The following CAPNS1 variants were observed in gnomAD, a reference collection of about 807,000 sequenced individuals.
CAPNS1 encodes calpain small subunit 1, also known as CANP small subunit.
Under a neutral mutation model 39.2 loss-of-function variants are expected in CAPNS1, and 32 were observed. The ratio of observed to expected loss-of-function variants is 0.82; its 90% CI spans 0.62 to 1.10. The LOEUF is 1.10. CAPNS1 is among the 50% of genes least tolerant of loss of function. The pLI, the probability that CAPNS1 is intolerant of heterozygous loss-of-function variation, is 0.00. For missense variants in CAPNS1, 353 were observed against 373.1 expected (o/e 0.95, Z 0.44); for synonymous variants, 153 against 136.2 (o/e 1.12, Z -0.86).
At chr19:36,142,868 C>T in intron 4 of CAPNS1, 41 bp from the exon 5 acceptor site, 1 of 1,611,704 alleles carries the variant, frequency 6.2e-7, no homozygotes, top group Non-Finnish European at 8.5e-7. Context: ...TCTCAGACCC[C>T]TTTCAGTCAC....
intron 9 of CAPNS1, among the ~76,000 whole-genome samples, chr19:36,148,819 A>T (rs1974670334): frequency 6.6e-6 from 1 of 152,104 alleles, no homozygotes. Context: ...TCTCAAAAAA[A>T]AAAAGAAAGA....
chr19:36,145,981 A>G lies in CAPNS1; in HGVS notation c.531A>G (p.Ile177Met). ...CAATGTCTCTGTCCTCACAGGCCAT[A>G]TACAAACAGTTCGACACTGACCGAT... ...LWNNIKRWQAIYKQFDTDRSG... is the reference protein window; with the variant it reads ...LWNNIKRWQAMYKQFDTDRSG... The change falls in exon 8 of 11, where the codon ATA (isoleucine) becomes ATG (methionine). Residue 177 changes from isoleucine to methionine, a missense_variant. Ile to Met is a conservative substitution (Grantham distance 10). Coordinates refer to ENST00000246533, the MANE Select transcript of CAPNS1 (RefSeq NM_001749.4). 1.2e-6 allele frequency: 2 copies of G among 1,614,238 alleles called. No individual in the cohort carries two copies. Among genetic ancestry groups the G allele is most frequent in the Non-Finnish European group, 1.7e-6 (2 of 1,180,028 alleles).
Position 36,142,285 on chromosome 19 carries a change from C to T in CAPNS1, c.210-15C>T. 1 of 1,590,120 alleles carries T rather than the reference C, an allele frequency of 6.3e-7. No homozygotes were observed. The highest frequency in any genetic ancestry group is 8.6e-7 in the Non-Finnish European group (1 of 1,158,804). ...CCGCCCCTGGCACTAACCCCTCCCCCTTATCTCTTCGCAGCGAGGCGGCTG... is the reference window on the plus strand; with the variant it reads ...CCGCCCCTGGCACTAACCCCTCCCCTTTATCTCTTCGCAGCGAGGCGGCTG... On this transcript the variant is annotated splice_polypyrimidine_tract_variant and intron_variant, in intron 2 of 10. Transcript: ENST00000246533.
chr19:36,140,809 C>T (rs1974328811), intron 1 of CAPNS1, 188 bp from the exon 2 acceptor site: 5 of 728,628 alleles, frequency 6.9e-6, no homozygotes, highest in Admixed American at 3.3e-5. Flanking sequence ...CCTTTTAGAC[C>T]TGAGGAGGTT....
Position 36,140,916 on chromosome 19 carries a change from C to G in CAPNS1, c.-15-81C>G, listed in dbSNP as rs1160489287. 4 of 1,568,712 alleles carry G rather than the reference C, an allele frequency of 2.5e-6. No homozygotes were observed. In the East Asian group the frequency reaches 7.6e-5, roughly 30 times the overall value. ...CGGAGGCTTCAGATTCCTCCCAGGT[C>G]CAGCTGCCGGAAATGCGTGTTTGAA... On this transcript the variant is annotated intron_variant, in intron 1 of 10. Coordinates refer to ENST00000246533, the MANE Select transcript of CAPNS1 (RefSeq NM_001749.4).
intron 9 of CAPNS1, among the ~76,000 whole-genome samples, chr19:36,148,601 A>C (rs1193861992): frequency 6.6e-6 from 1 of 151,576 alleles, no homozygotes; most frequent in Non-Finnish European, 1.5e-5. Flanking sequence ...ACCTGATGTC[A>C]GGAGTTTGAG....
At chr19:36,141,468 A>G (rs1568390512) in intron 2 of CAPNS1, 2 of 1,280,530 alleles carry the variant, frequency 1.6e-6, no homozygotes, top group East Asian at 6.6e-5. Flanking sequence ...GGACCAGGAC[A>G]ATGTGGTCCT....
chr19:36,144,852 G>T (rs1454046534), intron 6 of CAPNS1, among the ~76,000 whole-genome samples: 3 of 152,226 alleles, frequency 2.0e-5, no homozygotes, highest in Non-Finnish European at 4.4e-5. Flanking sequence ...AGTGATAATG[G>T]TGATACCGAA....
At chr19:36,149,551 G>C in intron 9 of CAPNS1, 27 bp from the exon 10 acceptor site, 1 of 1,443,960 alleles carries the variant, frequency 6.9e-7, no homozygotes, top group Non-Finnish European at 9.1e-7. Flanking sequence ...CTTCCCTGCC[G>C]CCAAACCTCT....
intron 10 of CAPNS1, 47 bp downstream of exon 10, chr19:36,149,683 C>T: frequency 1.9e-6 from 3 of 1,594,122 alleles, no homozygotes; most frequent in Non-Finnish European, 2.6e-6. Flanking sequence ...GGACCCCACC[C>T]CTCAGCCCTT....
intron 9 of CAPNS1, among the ~76,000 whole-genome samples, chr19:36,146,690 G>T (rs1275675277): frequency 6.6e-6 from 1 of 152,194 alleles, no homozygotes; most frequent in African/African-American, 2.4e-5. Flanking sequence ...AGGGGTCAGG[G>T]AGGGCTCACT....
intron 6 of CAPNS1, among the ~76,000 whole-genome samples, chr19:36,144,639 C>G (rs1257075804): frequency 6.6e-6 from 1 of 152,198 alleles, no homozygotes; most frequent in Admixed American, 6.5e-5. Flanking sequence ...CCGCCTTGGC[C>G]TCCCAAAGTG....
chr19:36,146,922 T>G (rs938721672), intron 9 of CAPNS1, among the ~76,000 whole-genome samples: 2 of 152,182 alleles, frequency 1.3e-5, no homozygotes, highest in Non-Finnish European at 2.9e-5. Context: ...CATGGCTGAC[T>G]GCAGCCTCAA....
intron 6 of CAPNS1, chr19:36,144,217 C>G (rs1168437618): frequency 6.8e-6 from 1 of 146,948 alleles, no homozygotes; most frequent in East Asian, 2.0e-4. Flanking sequence ...ATAACAATAA[C>G]AAAAATTAGC....
intron 2 of CAPNS1, among the ~76,000 whole-genome samples, chr19:36,142,082 T>G (rs541024842): frequency 1.3e-5 from 2 of 152,040 alleles, no homozygotes; most frequent in Non-Finnish European, 2.9e-5. Context: ...GGTCTCTGGG[T>G]TTCCTCGAGG....
In CAPNS1 at chr19:36,142,644, C is replaced by T. The variant is rs747694630; in HGVS notation, c.244-8C>T. The T allele has an allele frequency of 6.2e-7, 1 of 1,613,792 alleles. No individual in the cohort carries two copies. The highest frequency in any genetic ancestry group is 8.5e-7 in the Non-Finnish European group (1 of 1,179,716). ...CTCCCCCTGCTCTGAGCTCTCCTCC[C>T]TTTGCAGCCCCCACGCACACATTAC... On this transcript the variant is annotated splice_region_variant and splice_polypyrimidine_tract_variant and intron_variant, in intron 3 of 10. Transcript: ENST00000246533.
At chr19:36,147,218 G>A (rs17879509) in intron 9 of CAPNS1, among the ~76,000 whole-genome samples, 1 of 152,308 alleles carries the variant, frequency 6.6e-6, no homozygotes, top group South Asian at 2.1e-4. Flanking sequence ...TTTTGTGAAG[G>A]AGGAACTTAG....
At chr19:36,140,850 C>T (rs964397430) in intron 1 of CAPNS1, 147 bp from the exon 2 acceptor site, 1 of 1,242,156 alleles carries the variant, frequency 8.1e-7, no homozygotes, top group Non-Finnish European at 1.1e-6. Flanking sequence ...CTGCCCCACC[C>T]ATCCGCGGAC....
At chr19:36,148,511 T>TAA (rs74172784) in intron 9 of CAPNS1, among the ~76,000 whole-genome samples, 372 of 120,414 alleles carry the variant, frequency 3.1e-3, no homozygotes, top group African/African-American at 8.4e-3. Flanking sequence ...AGACACCGTC[T>TAA]AAAAAAAAAA....
Sources: gnomAD v4.1 joint callset for allele counts (sites outside exome capture counted in the v4.1 genomes callset) on GRCh38, gnomAD v4.1.1 for gene constraint, MANE v1.5 for transcripts, NCBI Gene and HGNC (gene_info 2026-07-23, HGNC 2026-07-21) for gene names.